MACROD2: variants seen among roughly 807,000 people sequenced by gnomAD.
The protein encoded by MACROD2 is ADP-ribose glycohydrolase MACROD2.
Under a neutral mutation model 70.4 loss-of-function variants are expected in MACROD2, and 36 were observed. That is an observed-to-expected ratio of 0.51 (90% CI 0.39 to 0.68). MACROD2 has a LOEUF of 0.68. MACROD2 is among the 30% of genes least tolerant of loss of function. The pLI is 0.00. For synonymous variants in MACROD2, 172 were observed against 178.8 expected, an observed-to-expected ratio of 0.96 and a Z score of 0.30; for missense variants, 496 against 538.4, an observed-to-expected ratio of 0.92 and a Z score of 0.78.
chr20:16,023,002 G>A (rs2067025147), intron 15 of MACROD2, among the ~76,000 whole-genome samples: 1 of 152,076 alleles, frequency 6.6e-6, no homozygotes, highest in Non-Finnish European at 1.5e-5. Context: ...ATGTGTTTAT[G>A]GCATCTCAGA....
At chr20:15,789,770 A>G (rs540211108) in intron 8 of MACROD2, among the ~76,000 whole-genome samples, 3 of 152,202 alleles carry the variant, frequency 2.0e-5, no homozygotes, top group Non-Finnish European at 4.4e-5. Flanking sequence ...AAAATGGCAT[A>G]AAGGAAATGA....
At chr20:15,267,605 C>T (rs2077307223) in intron 6 of MACROD2, among the ~76,000 whole-genome samples, 1 of 152,168 alleles carries the variant, frequency 6.6e-6, no homozygotes, top group African/African-American at 2.4e-5. Context: ...ACTCAACCCC[C>T]AGGTAGAGAC....
chr20:15,279,131 AGC>A (rs2077420508), intron 6 of MACROD2, among the ~76,000 whole-genome samples: 1 of 152,210 alleles, frequency 6.6e-6, no homozygotes, highest in South Asian at 2.1e-4. Flanking sequence ...ACGAGTTATG[AGC>A]GACTTTAAAA....
chr20:14,634,770 A>G (rs564291799), intron 4 of MACROD2, among the ~76,000 whole-genome samples: 45 of 152,054 alleles, frequency 3.0e-4, no homozygotes, highest in African/African-American at 9.9e-4. Flanking sequence ...AAAAGTAAAA[A>G]CCCTGGACCT....
chr20:14,362,649 C>T (rs2083233154), intron 3 of MACROD2, among the ~76,000 whole-genome samples: 1 of 152,096 alleles, frequency 6.6e-6, no homozygotes, highest in African/African-American at 2.4e-5. Flanking sequence ...CCCCAGGAAT[C>T]TTTGATCTCT....
chr20:14,374,288 G>A (rs1042946722), intron 3 of MACROD2, among the ~76,000 whole-genome samples: 4 of 152,058 alleles, frequency 2.6e-5, no homozygotes, highest in South Asian at 2.1e-4. Context: ...CAAATGACCC[G>A]ATGACCTTAA....
At chr20:15,032,569 C>A (rs535665377) in intron 5 of MACROD2, among the ~76,000 whole-genome samples, 1 of 152,214 alleles carries the variant, frequency 6.6e-6, no homozygotes, top group Non-Finnish European at 1.5e-5. Context: ...GAGCTGCCGA[C>A]ATTTGCTCAA....
chr20:15,961,300 G>C (rs2066057579), intron 12 of MACROD2, among the ~76,000 whole-genome samples: 1 of 152,126 alleles, frequency 6.6e-6, no homozygotes, highest in East Asian at 1.9e-4. Flanking sequence ...AAGTCATACA[G>C]GTCTTTGAAG....
At chr20:14,082,684 A>G (rs1481765235) in intron 2 of MACROD2, among the ~76,000 whole-genome samples, 3 of 111,452 alleles carry the variant, frequency 2.7e-5, no homozygotes, top group Non-Finnish European at 3.6e-5. Flanking sequence ...TCTGTTTCCC[A>G]TGTTGAAATG....
chr20:14,751,273 C>T (rs2071865781), intron 5 of MACROD2, among the ~76,000 whole-genome samples: 1 of 151,846 alleles, frequency 6.6e-6, no homozygotes. Context: ...CAAATGGCAC[C>T]TATCAGATCT....
intron 2 of MACROD2, among the ~76,000 whole-genome samples, chr20:14,034,485 G>A (rs1444309063): frequency 6.6e-6 from 1 of 152,182 alleles, no homozygotes; most frequent in African/African-American, 2.4e-5. Context: ...GCTAGGGTAT[G>A]CAATTTCAAA....
chr20:14,579,202 C>T (rs1002529517), intron 4 of MACROD2, among the ~76,000 whole-genome samples: 1 of 134,558 alleles, frequency 7.4e-6, no homozygotes, highest in Non-Finnish European at 1.5e-5. Context: ...ACTGCAGTGG[C>T]GCAATCTCGG....
At chr20:14,043,792 G>A (rs1027351861) in intron 2 of MACROD2, among the ~76,000 whole-genome samples, 1 of 152,152 alleles carries the variant, frequency 6.6e-6, no homozygotes, top group Non-Finnish European at 1.5e-5. Context: ...GGAGAAAAAG[G>A]ATCATGTGAA....
intron 3 of MACROD2, among the ~76,000 whole-genome samples, chr20:14,167,366 A>G (rs897449056): frequency 8.5e-5 from 13 of 152,074 alleles, no homozygotes; most frequent in African/African-American, 3.1e-4. Context: ...CAGAGACTAT[A>G]TATAATATCT....
At chr20:15,649,088 CT>C (rs2049599673) in intron 8 of MACROD2, among the ~76,000 whole-genome samples, 3 of 74,906 alleles carry the variant, frequency 4.0e-5, no homozygotes, top group African/African-American at 1.5e-4. Flanking sequence ...CTTCCCTCCC[CT>C]TCCCTCCCCT....
At chr20:14,809,504 C>T (rs1323413288) in intron 5 of MACROD2, among the ~76,000 whole-genome samples, 1 of 151,826 alleles carries the variant, frequency 6.6e-6, no homozygotes, top group Non-Finnish European at 1.5e-5. Context: ...AATTGACACC[C>T]TAACATCACA....
At chr20:15,761,184 C>T (rs6110770) in intron 8 of MACROD2, among the ~76,000 whole-genome samples, 39,261 of 151,960 alleles carry the variant, frequency 0.26, 5,748 homozygotes, top group East Asian at 0.43. Flanking sequence ...TAGCTGGGAT[C>T]ACAGGCACGC....
intron 2 of MACROD2, chr20:14,003,393 T>C (rs913134548): frequency 1.2e-5 from 2 of 163,964 alleles, no homozygotes; most frequent in African/African-American, 4.8e-5. Context: ...TTTTAGACCT[T>C]ACGTAGCCTG....
intron 3 of MACROD2, among the ~76,000 whole-genome samples, chr20:14,282,388 T>C (rs144372009): frequency 1.3e-5 from 2 of 152,288 alleles, no homozygotes; most frequent in Non-Finnish European, 2.9e-5. Context: ...GATGACTGAC[T>C]CACGTGGCTG....
Sources: allele counts gnomAD v4.1 joint callset (sites outside exome capture counted in the v4.1 genomes callset), GRCh38; gene constraint gnomAD v4.1.1; transcripts MANE v1.5; gene names NCBI Gene and HGNC (gene_info 2026-07-23, HGNC 2026-07-21).